Variants in RASEF observed in about 807,000 individuals in gnomAD.
RASEF encodes the protein RAS and EF-hand domain containing.
RASEF carries 68 observed loss-of-function variants against 90.1 expected under a neutral mutation model. The ratio of observed to expected loss-of-function variants is 0.75; its 90% CI spans 0.62 to 0.92. The LOEUF is 0.92. Ranked by LOEUF, RASEF falls within the 40% of genes least tolerant of loss-of-function variation. RASEF has a pLI of 0.00. For synonymous variants in RASEF, 331 were observed against 345.2 expected, an observed-to-expected ratio of 0.96 and a Z score of 0.46; for missense variants, 949 against 937.2, an observed-to-expected ratio of 1.01 and a Z score of -0.16.
At chr9:83,135,538 A>T in the RASEF span, among the ~76,000 whole-genome samples, 1 of 152,188 alleles carries the variant, frequency 6.6e-6, no homozygotes, top group Non-Finnish European at 1.5e-5. Context: ...TGCACACTTT[A>T]AAAGGGTGAG....
chr9:82,982,717 G>C lies in RASEF; in HGVS notation c.2183C>G (p.Ser728Cys). 6.2e-7 allele frequency: 1 copy of C among 1,610,872 alleles called. No homozygotes were observed. Among genetic ancestry groups the C allele is most frequent in the Non-Finnish European group, 8.5e-7 (1 of 1,177,202 alleles). The change falls in exon 17 of 17, where the codon TCC becomes TGC. Residue 728 changes from serine to cysteine, a missense_variant. Physicochemically the swap from Ser to Cys is moderately radical, Grantham distance 112. Coordinates refer to ENST00000376447, the MANE Select transcript of RASEF (RefSeq NM_152573.4). ...RSITNLTGTNSKKSPQMKNCC... is the reference protein window; with the variant it reads ...RSITNLTGTNCKKSPQMKNCC... ...ATTCTTCATCTGTGGTGACTTTTTG[G>C]AATTGGTCCCGGTTAGATTGGTAAT...
chr9:83,069,458 T>C, the RASEF span, among the ~76,000 whole-genome samples: 3 of 152,228 alleles, frequency 2.0e-5, no homozygotes, highest in African/African-American at 7.2e-5. Context: ...CCTGGCTTTC[T>C]TTGCTCAGCA....
chr9:83,203,915 T>C, the RASEF span, among the ~76,000 whole-genome samples: 3 of 152,254 alleles, frequency 2.0e-5, no homozygotes, highest in East Asian at 5.8e-4. Flanking sequence ...AGATAACCTT[T>C]ATTCTATGGG....
At chr9:83,144,366 AGAAAGAAAGAAAGAAAGAAAGAAAG>A in the RASEF span, among the ~76,000 whole-genome samples, 944 of 74,464 alleles carry the variant, frequency 0.013, 47 homozygotes, top group African/African-American at 0.033. Context: ...AAAGAAAGAA[AGAAAGAAAGAAAGAAAGAAAGAAAG>A]GAAAGAAAGA....
chr9:83,018,873 A>C (rs1829393238), intron 3 of RASEF, among the ~76,000 whole-genome samples: 1 of 152,164 alleles, frequency 6.6e-6, no homozygotes, highest in African/African-American at 2.4e-5. Flanking sequence ...AAATAGAATA[A>C]ACTGATTTTG....
At chr9:82,997,306 T>C (rs1011027500) in intron 13 of RASEF, among the ~76,000 whole-genome samples, 180 bp from the exon 14 acceptor site, 18 of 152,150 alleles carry the variant, frequency 1.2e-4, no homozygotes, top group African/African-American at 3.9e-4. Flanking sequence ...GGTAACATGA[T>C]GAGAATCTGG....
chr9:83,215,979 C>G, the RASEF span, among the ~76,000 whole-genome samples: 2 of 152,188 alleles, frequency 1.3e-5, no homozygotes, highest in Admixed American at 1.3e-4. Context: ...GAATAAAGGT[C>G]ACTCTTGCTA....
chr9:83,119,069 G>A, the RASEF span, among the ~76,000 whole-genome samples: 3 of 149,162 alleles, frequency 2.0e-5, no homozygotes, highest in East Asian at 2.0e-4. Flanking sequence ...GTGTGGTGGT[G>A]TGATCTCGGC....
the RASEF span, among the ~76,000 whole-genome samples, chr9:83,091,453 G>C: frequency 6.5e-3 from 983 of 152,328 alleles, 5 homozygotes; most frequent in Non-Finnish European, 9.9e-3. Context: ...TATTCAGGAA[G>C]CTGAGGCAGG....
chr9:82,988,453 A>G (rs945969619), intron 16 of RASEF, among the ~76,000 whole-genome samples: 7 of 152,056 alleles, frequency 4.6e-5, no homozygotes, highest in African/African-American at 1.7e-4. Flanking sequence ...TCAAATATTC[A>G]CTTTTTTTTT....
the RASEF span, among the ~76,000 whole-genome samples, chr9:83,093,221 G>T: frequency 1.3e-5 from 2 of 152,222 alleles, no homozygotes; most frequent in African/African-American, 2.4e-5. Flanking sequence ...AGACTCAGGA[G>T]GCCAGCTGGC....
rs11139886 is a variant in RASEF, at chr9:82,979,823, C to T, written c.*2854G>A. ...TACTTAATATATACATATGAAATTT[C>T]TTACACACACACAATAAATGCCCAC... On this transcript the variant is annotated 3_prime_UTR_variant, in exon 17 of 17. Coordinates refer to ENST00000376447, the MANE Select transcript of RASEF (RefSeq NM_152573.4). The T allele has an allele frequency of 6.6e-6, 1 of 152,158 alleles. No individual in the cohort carries two copies. The highest frequency in any genetic ancestry group is 2.4e-5 in the African/African-American group (1 of 41,436). The allele number at this position is 152,158 out of a possible 1,614,324, so 9.4% of individuals were successfully genotyped here.
chr9:83,110,021 G>A, the RASEF span, among the ~76,000 whole-genome samples: 9 of 152,106 alleles, frequency 5.9e-5, no homozygotes, highest in African/African-American at 2.2e-4. Context: ...ACTCTTATAA[G>A]TTTATCAAAA....
At chr9:83,181,283 C>T in the RASEF span, among the ~76,000 whole-genome samples, 2 of 151,430 alleles carry the variant, frequency 1.3e-5, no homozygotes, top group East Asian at 1.9e-4. Flanking sequence ...AAGAGAAGGG[C>T]GGGGATAGAA....
At chr9:83,180,092 T>C in the RASEF span, among the ~76,000 whole-genome samples, 1 of 152,218 alleles carries the variant, frequency 6.6e-6, no homozygotes, top group African/African-American at 2.4e-5. Context: ...CCTGTTTATA[T>C]AACTTAAATT....
intron 16 of RASEF, 65 bp from the exon 17 acceptor site, chr9:82,982,847 T>C: frequency 1.1e-6 from 1 of 919,194 alleles, no homozygotes; most frequent in Non-Finnish European, 1.8e-6. Context: ...TACTGAGGTA[T>C]AAAAACTAAG....
chr9:83,196,221 T>C, the RASEF span, among the ~76,000 whole-genome samples: 14 of 152,124 alleles, frequency 9.2e-5, no homozygotes, highest in African/African-American at 2.9e-4. Flanking sequence ...ACGGTTAATG[T>C]CAGGGCTGCG....
At chr9:83,085,570 G>A in the RASEF span, among the ~76,000 whole-genome samples, 1 of 152,050 alleles carries the variant, frequency 6.6e-6, no homozygotes, top group Non-Finnish European at 1.5e-5. Flanking sequence ...GAAGATTGAT[G>A]CTGCAGTGGG....
At chr9:83,155,991 G>C in the RASEF span, among the ~76,000 whole-genome samples, 1 of 152,240 alleles carries the variant, frequency 6.6e-6, no homozygotes, top group African/African-American at 2.4e-5. Context: ...ATGGCCCTGG[G>C]ATTCCTTTAC....
Sources: allele counts gnomAD v4.1 joint callset (sites outside exome capture counted in the v4.1 genomes callset), GRCh38; gene constraint gnomAD v4.1.1; transcripts MANE v1.5; gene names NCBI Gene and HGNC (gene_info 2026-07-23, HGNC 2026-07-21).